Variants in CFAP77 observed in about 807,000 individuals in gnomAD.
CFAP77 encodes the protein cilia- and flagella-associated protein 77.
In CFAP77, 25 loss-of-function variants were observed where a neutral mutation model predicts 31.1. The ratio of observed to expected loss-of-function variants is 0.80; its 90% CI spans 0.59 to 1.12. The LOEUF is 1.12. Among genes scored for constraint, CFAP77 ranks in the 50% most tolerant of loss-of-function variants. The pLI, the probability that CFAP77 is intolerant of heterozygous loss-of-function variation, is 0.00. For synonymous variants in CFAP77, 151 were observed against 159.9 expected, an observed-to-expected ratio of 0.94 and a Z score of 0.42; for missense variants, 377 against 397.3, an observed-to-expected ratio of 0.95 and a Z score of 0.44.
At chr9:132,470,977 C>A (rs1851243711) in intron 1 of CFAP77, among the ~76,000 whole-genome samples, 1 of 152,148 alleles carries the variant, frequency 6.6e-6, no homozygotes, top group Admixed American at 6.5e-5. Flanking sequence ...GACTCTGTTT[C>A]AAAAAATTTT....
intron 1 of CFAP77, among the ~76,000 whole-genome samples, chr9:132,486,605 A>G (rs571996684): frequency 1.3e-5 from 2 of 152,242 alleles, no homozygotes; most frequent in Admixed American, 1.3e-4. Context: ...CCAACCTCTC[A>G]CGTTCGCCTT....
intron 1 of CFAP77, among the ~76,000 whole-genome samples, chr9:132,475,396 C>T (rs572022274): frequency 1.3e-5 from 2 of 152,288 alleles, no homozygotes; most frequent in Admixed American, 6.5e-5. Flanking sequence ...TAGGCCCCTT[C>T]GCTAAGGCTG....
chr9:132,479,758 A>G (rs1271426257), intron 1 of CFAP77, among the ~76,000 whole-genome samples: 3 of 152,180 alleles, frequency 2.0e-5, no homozygotes, highest in African/African-American at 7.2e-5. Context: ...AACTCCCTCT[A>G]ATAATAGTGG....
chr9:132,538,911 C>T (rs1159359093), intron 4 of CFAP77, among the ~76,000 whole-genome samples: 1 of 152,004 alleles, frequency 6.6e-6, no homozygotes, highest in Non-Finnish European at 1.5e-5. Flanking sequence ...CACGGTGAAA[C>T]CCCGTCTCTA....
intron 1 of CFAP77, chr9:132,421,782 G>C (rs549734440): frequency 3.3e-5 from 5 of 152,364 alleles, no homozygotes; most frequent in African/African-American, 1.2e-4. Flanking sequence ...AGGCACACCA[G>C]GCACTGGCAC....
intron 3 of CFAP77, among the ~76,000 whole-genome samples, chr9:132,531,217 CTT>C (rs1023248502): frequency 6.6e-6 from 1 of 152,226 alleles, no homozygotes; most frequent in African/African-American, 2.4e-5. Flanking sequence ...TGTGTCCTCT[CTT>C]TCTCTCTCAG....
At chr9:132,521,908 C>T (rs1364938654) in intron 3 of CFAP77, among the ~76,000 whole-genome samples, 1 of 151,706 alleles carries the variant, frequency 6.6e-6, no homozygotes, top group East Asian at 1.9e-4. Context: ...ACTACAGGTG[C>T]ACGCCACCAT....
intron 5 of CFAP77, among the ~76,000 whole-genome samples, chr9:132,551,211 C>T (rs1852815291): frequency 1.3e-5 from 2 of 151,554 alleles, no homozygotes; most frequent in African/African-American, 2.4e-5. Context: ...GATGGAGTTC[C>T]AAGACAGCAG....
At chr9:132,553,077 G>T (rs1852845478) in intron 5 of CFAP77, among the ~76,000 whole-genome samples, 1 of 152,202 alleles carries the variant, frequency 6.6e-6, no homozygotes, top group Non-Finnish European at 1.5e-5. Flanking sequence ...CAGGGTGCCA[G>T]CATGATCAGG....
intron 5 of CFAP77, among the ~76,000 whole-genome samples, chr9:132,548,675 CT>C (rs200795188): frequency 0.093 from 13,619 of 147,140 alleles, 666 homozygotes; most frequent in Middle Eastern, 0.14. Context: ...CATCTGTTGG[CT>C]GGCGGGGGGG....
chr9:132,498,630 G>A lies in CFAP77; in HGVS notation c.196-65G>A, dbSNP rs549371446. 1.7e-4 allele frequency: 218 copies of A among 1,275,818 alleles called. 1 individual carries two copies. The highest frequency in any genetic ancestry group is 1.1e-3 in the Middle Eastern group (6 of 5,428). The allele number at this position is 1,275,818 out of a possible 1,614,324, so 79.0% of individuals were successfully genotyped here. ...AGGCATCTGGTGCCTCCCTGCTGCC[G>A]GATTACAATACATTTGGTCTGAGAC... On this transcript the variant is annotated intron_variant, in intron 1 of 5. Transcript: ENST00000393216. The surrounding 1 kb of genome is among the most constrained non-coding windows in gnomAD (Gnocchi z 4.2).
At chr9:132,437,935 C>T (rs376850216) in intron 1 of CFAP77, among the ~76,000 whole-genome samples, 3 of 151,442 alleles carry the variant, frequency 2.0e-5, no homozygotes, top group African/African-American at 4.8e-5. Flanking sequence ...ATTGGCCAGG[C>T]GCAGTGGCTC....
intron 1 of CFAP77, among the ~76,000 whole-genome samples, chr9:132,461,136 A>G (rs1263986959): frequency 6.6e-6 from 1 of 152,254 alleles, no homozygotes; most frequent in East Asian, 1.9e-4. Flanking sequence ...GCCTGGCACA[A>G]TAGCAAGTGC....
intron 1 of CFAP77, among the ~76,000 whole-genome samples, chr9:132,491,460 T>G (rs958758457): frequency 6.6e-5 from 10 of 152,134 alleles, no homozygotes; most frequent in African/African-American, 2.4e-4. Context: ...AGAGCGAAAC[T>G]CCATCTCAAA....
At chr9:132,420,844 G>A (rs796853170) in intron 1 of CFAP77, among the ~76,000 whole-genome samples, 2 of 152,212 alleles carry the variant, frequency 1.3e-5, no homozygotes, top group African/African-American at 4.8e-5. Context: ...CAATCTAGCA[G>A]GCAGAAGCAG....
At chr9:132,494,430 G>A (rs1216101940) in intron 1 of CFAP77, among the ~76,000 whole-genome samples, 1 of 152,158 alleles carries the variant, frequency 6.6e-6, no homozygotes, top group Non-Finnish European at 1.5e-5. Context: ...CCCTGACTGA[G>A]GACCACTACT....
At chr9:132,546,004 G>A (rs1366719946) in intron 5 of CFAP77, among the ~76,000 whole-genome samples, 1 of 152,096 alleles carries the variant, frequency 6.6e-6, no homozygotes, top group Non-Finnish European at 1.5e-5. Flanking sequence ...AGTAAAATGT[G>A]AGCCCCCCAG....
intron 5 of CFAP77, among the ~76,000 whole-genome samples, chr9:132,571,625 C>T (rs12337453): frequency 0.021 from 3,241 of 152,282 alleles, 124 homozygotes; most frequent in African/African-American, 0.075. Context: ...GGAATGAGCA[C>T]GTGAGCCCAA....
At chr9:132,489,008 G>A (rs536616866) in intron 1 of CFAP77, among the ~76,000 whole-genome samples, 6 of 152,234 alleles carry the variant, frequency 3.9e-5, no homozygotes, top group African/African-American at 7.2e-5. Context: ...GAGGAAACTC[G>A]GAAAAAGGCG....
Sources: gnomAD v4.1 joint callset for allele counts (sites outside exome capture counted in the v4.1 genomes callset) on GRCh38, gnomAD v4.1.1 for gene constraint, Gnocchi (gnomAD v3.1) non-coding constraint, MANE v1.5 for transcripts, NCBI Gene and HGNC (gene_info 2026-07-23, HGNC 2026-07-21) for gene names.